Variants in CRY1 observed in about 807,000 individuals in gnomAD.
The protein encoded by CRY1 is cryptochrome circadian regulator 1, also known as cryptochrome-1.
In CRY1, 45 loss-of-function variants were observed where a neutral mutation model predicts 76.0. The observed-to-expected ratio is 0.59, with a 90% CI of 0.47 to 0.76. The LOEUF is 0.76. Ranked by LOEUF, CRY1 falls within the 30% of genes least tolerant of loss-of-function variation. The pLI, the probability that CRY1 is intolerant of heterozygous loss-of-function variation, is 0.00. For synonymous variants in CRY1, 248 were observed against 244.0 expected (o/e 1.02, Z -0.15); for missense variants, 587 against 716.4 (o/e 0.82, Z 2.06).
In CRY1 at chr12:107,021,326, TA is replaced by T. The variant is rs554390338; in HGVS notation, c.267+757del. The stretch of plus-strand genomic sequence containing the variant: ...AGCACTACAAATTCTGTATTATTGG[TA>T]AAATGTCCATTGTTACAATCCTTTG... On this transcript the variant is annotated intron_variant, in intron 2 of 12. Transcript: ENST00000008527. 5.9e-5 allele frequency among the ~76,000 whole-genome samples: 9 copies of T among 152,254 alleles called. No homozygotes were observed. The East Asian group carries it at 1.7e-3, about 29-fold the overall frequency.
intron 2 of CRY1, among the ~76,000 whole-genome samples, chr12:107,019,522 T>C (rs1566249730): frequency 6.6e-6 from 1 of 152,168 alleles, no homozygotes. Flanking sequence ...AGAAGATAGT[T>C]TGGCCCAATA....
chr12:107,067,730 A>G (rs1169410511), intron 1 of CRY1, among the ~76,000 whole-genome samples: 9 of 152,164 alleles, frequency 5.9e-5, no homozygotes, highest in Non-Finnish European at 1.5e-5. Context: ...AAGGTGTTGG[A>G]AAAGTGTAGG....
chr12:107,015,954 T>A lies in CRY1; in HGVS notation c.267+6130A>T, dbSNP rs944550300. Among the ~76,000 whole-genome samples, 4 of 152,224 alleles carry A rather than the reference T, an allele frequency of 2.6e-5. No individual in the cohort carries two copies. The East Asian group carries it at 7.7e-4, about 29-fold the overall frequency. The stretch of plus-strand genomic sequence containing the variant: ...GCAATTTTAAGCAATAAGATTTGTA[T>A]CTATTTTTGTGTATCACAATTACTT... On this transcript the variant is annotated intron_variant, in intron 2 of 12. Coordinates refer to ENST00000008527, the MANE Select transcript of CRY1 (RefSeq NM_004075.5).
At chr12:107,076,552 T>C (rs929321514) in intron 1 of CRY1, among the ~76,000 whole-genome samples, 1 of 151,218 alleles carries the variant, frequency 6.6e-6, no homozygotes, top group African/African-American at 2.4e-5. Flanking sequence ...GAGGCAGAGG[T>C]TGCAGTGAGC....
At chr12:107,074,138 C>T (rs1953222467) in intron 1 of CRY1, among the ~76,000 whole-genome samples, 1 of 152,068 alleles carries the variant, frequency 6.6e-6, no homozygotes, top group African/African-American at 2.4e-5. Context: ...TCTTTCCTTT[C>T]TATTCCCACA....
chr12:107,026,167 A>G (rs1454931118), intron 1 of CRY1, among the ~76,000 whole-genome samples: 2 of 21,054 alleles, frequency 9.5e-5, no homozygotes, highest in South Asian at 4.0e-3. Context: ...AAATATATAT[A>G]TATATATTAC....
chr12:107,016,217 C>T lies in CRY1; in HGVS notation c.267+5867G>A, dbSNP rs778429806. Among the ~76,000 whole-genome samples, 16 of 152,030 alleles carry T rather than the reference C, an allele frequency of 1.1e-4. 1 individual carries two copies. In the Middle Eastern group the frequency reaches 0.01, roughly 97 times the overall value. On this transcript the variant is annotated intron_variant, in intron 2 of 12. Transcript: ENST00000008527. ...CCCAGCTACTCAGTAGGCTGAGGCA[C>T]GAGAATCACTTGAACCCAGGAGGTG... is the stretch of plus-strand genomic sequence containing the variant.
In CRY1 at chr12:107,083,621, G is replaced by C. The variant is rs150208939; in HGVS notation, c.158+9183C>G. 6.9e-3 allele frequency among the ~76,000 whole-genome samples: 1,044 copies of C among 152,154 alleles called. 18 individuals are homozygous for C. Among genetic ancestry groups the C allele is most frequent in the African/African-American group, 0.024 (1,001 of 41,502 alleles). On this transcript the variant is annotated intron_variant, in intron 1 of 12. Transcript: ENST00000008527. ...AATTATCTCAATAGATGCAGAAAAG[G>C]CCTTGGACAAAATTCAACACCGCTT...
At chr12:107,060,128 T>G (rs1325873294) in intron 1 of CRY1, among the ~76,000 whole-genome samples, 2 of 152,164 alleles carry the variant, frequency 1.3e-5, no homozygotes, top group African/African-American at 4.8e-5. Flanking sequence ...CCCAATATAG[T>G]ATGCTAAGTA....
At position 107,055,788 on chromosome 12, in the gene CRY1, T is replaced by A. The variant is rs141794503; in HGVS notation, c.159-33596A>T. On this transcript the variant is annotated intron_variant, in intron 1 of 12. Coordinates refer to ENST00000008527, the MANE Select transcript of CRY1 (RefSeq NM_004075.5). ...ACTTTGGGAGACTGAGGCAGGAGAA[T>A]GGCTTGAGTGTAGGAGACAGAGCAA... Among the ~76,000 whole-genome samples the A allele has an allele frequency of 4.4e-3, 666 of 151,308 alleles. 14 individuals are homozygous for A. The highest frequency in any genetic ancestry group is 0.015 in the African/African-American group (631 of 41,202).
At chr12:107,041,723 G>A (rs1952801935) in intron 1 of CRY1, among the ~76,000 whole-genome samples, 1 of 125,792 alleles carries the variant, frequency 7.9e-6, no homozygotes, top group Admixed American at 1.0e-4. Context: ...CTGGTTTTCT[G>A]ATATTCCTAT....
chr12:107,089,641 T>C (rs919750710), intron 1 of CRY1, among the ~76,000 whole-genome samples: 1 of 152,232 alleles, frequency 6.6e-6, no homozygotes, highest in African/African-American at 2.4e-5. Flanking sequence ...CTAAAAAGTG[T>C]TGACCGAAGA....
intron 1 of CRY1, among the ~76,000 whole-genome samples, chr12:107,054,592 TAAACA>T (rs1952961977): frequency 7.8e-6 from 1 of 127,650 alleles, no homozygotes; most frequent in South Asian, 2.4e-4. Flanking sequence ...TCAGACTAAA[TAAACA>T]AAAGTTAATA....
At chr12:107,035,884 A>G (rs546414174) in intron 1 of CRY1, among the ~76,000 whole-genome samples, 1 of 152,296 alleles carries the variant, frequency 6.6e-6, no homozygotes, top group East Asian at 1.9e-4. Flanking sequence ...CTTCAAGTTA[A>G]TCAGGGCAAA....
chr12:107,009,836 T>A (rs1186356594), intron 2 of CRY1, among the ~76,000 whole-genome samples: 1 of 151,928 alleles, frequency 6.6e-6, no homozygotes, highest in South Asian at 2.1e-4. Flanking sequence ...CACTTGGCTA[T>A]ACTTTTAATT....
chr12:107,089,674 A>C (rs1317595282), intron 1 of CRY1, among the ~76,000 whole-genome samples: 1 of 152,240 alleles, frequency 6.6e-6, no homozygotes, highest in Non-Finnish European at 1.5e-5. Flanking sequence ...GCTTCTAAAG[A>C]AAACTAAGAG....
intron 1 of CRY1, among the ~76,000 whole-genome samples, chr12:107,077,317 G>A (rs1953268752): frequency 6.6e-6 from 1 of 152,068 alleles, no homozygotes; most frequent in South Asian, 2.1e-4. Context: ...TCCTTTAGTG[G>A]TGTGAAAGTT....
chr12:107,008,863 C>T (rs1952404420), intron 2 of CRY1, among the ~76,000 whole-genome samples: 1 of 152,134 alleles, frequency 6.6e-6, no homozygotes, highest in African/African-American at 2.4e-5. Flanking sequence ...GTTCCCCTAC[C>T]CATGCTCTCT....
intron 2 of CRY1, among the ~76,000 whole-genome samples, chr12:107,009,651 G>C (rs983106276): frequency 2.1e-5 from 3 of 145,870 alleles, no homozygotes; most frequent in African/African-American, 7.6e-5. Context: ...GCTCATACCT[G>C]TAATTCCAGC....
Sources: allele counts gnomAD v4.1 joint callset (sites outside exome capture counted in the v4.1 genomes callset), GRCh38; gene constraint gnomAD v4.1.1; transcripts MANE v1.5; gene names NCBI Gene and HGNC (gene_info 2026-07-23, HGNC 2026-07-21).